EHMT1: variants seen among roughly 807,000 people sequenced by gnomAD.
EHMT1 encodes the protein euchromatic histone lysine methyltransferase 1, also known as histone-lysine N-methyltransferase EHMT1.
Under a neutral mutation model 147.2 loss-of-function variants are expected in EHMT1, and 15 were observed. That is an observed-to-expected ratio of 0.10 (90% CI 0.07 to 0.16). The LOEUF (loss-of-function observed/expected upper bound fraction) is 0.16. EHMT1 is among the 10% of genes least tolerant of loss of function. EHMT1 has a pLI of 1.00. For missense variants in EHMT1, 1,587 were observed against 1,772.4 expected, an observed-to-expected ratio of 0.90 and a Z score of 1.88; for synonymous variants, 795 against 709.6, an observed-to-expected ratio of 1.12 and a Z score of -1.91.
chr9:137,748,160 G>A (rs1334701243), intron 6 of EHMT1, among the ~76,000 whole-genome samples: 1 of 152,084 alleles, frequency 6.6e-6, no homozygotes, highest in Non-Finnish European at 1.5e-5. Flanking sequence ...CAGATGTTGG[G>A]TGCCTTTTTC....
At chr9:137,798,317 AC>A (rs1456004245) in intron 16 of EHMT1, among the ~76,000 whole-genome samples, 5 of 152,144 alleles carry the variant, frequency 3.3e-5, no homozygotes, top group African/African-American at 1.2e-4. Context: ...CAGGAGGATC[AC>A]TTGAGCATGG....
chr9:137,716,304 TG>T (rs1945252223), intron 2 of EHMT1, among the ~76,000 whole-genome samples: 1 of 2,172 alleles, frequency 4.6e-4, no homozygotes, highest in African/African-American at 9.4e-4. Flanking sequence ...GAGGAAGTTG[TG>T]GTGGTGTCAT....
chr9:137,654,708 A>C (rs1441386504), intron 1 of EHMT1, among the ~76,000 whole-genome samples: 1 of 152,222 alleles, frequency 6.6e-6, no homozygotes, highest in South Asian at 2.1e-4. Flanking sequence ...GAGGCAGTAC[A>C]TGCCTGAAGG....
rs984497183 is a variant in EHMT1, at chr9:137,787,424, T to A, written c.2383-3424T>A. On this transcript the variant is annotated intron_variant, in intron 15 of 26. Transcript: ENST00000460843. This position sits in a 1 kb window ranked among gnomAD's most constrained non-coding sequence, Gnocchi z 4.2. Reference sequence around the variant, plus strand: ...GGAAGGGCTATTCCAGGCTCAGCCCTGCCTCCCACAGCCTTGCCTCTGGGT... The same window carrying A: ...GGAAGGGCTATTCCAGGCTCAGCCCAGCCTCCCACAGCCTTGCCTCTGGGT... 3.9e-5 allele frequency among the ~76,000 whole-genome samples: 6 copies of A among 152,162 alleles called. No individual in the cohort carries two copies. Among genetic ancestry groups the A allele is most frequent in the Non-Finnish European group, 8.8e-5 (6 of 68,014 alleles).
intron 6 of EHMT1, among the ~76,000 whole-genome samples, chr9:137,749,689 T>C (rs967002799): frequency 3.3e-5 from 5 of 152,230 alleles, no homozygotes; most frequent in Non-Finnish European, 7.3e-5. Flanking sequence ...AGCTGTCTTA[T>C]GCACAGTGAT....
intron 13 of EHMT1, among the ~76,000 whole-genome samples, chr9:137,778,649 G>GAC (rs1004947283): frequency 5.9e-5 from 9 of 152,078 alleles, no homozygotes; most frequent in Non-Finnish European, 1.2e-4. Context: ...TCGCTGACCA[G>GAC]ACCCCAGACT....
chr9:137,800,070 C>T (rs1047022735), intron 17 of EHMT1, among the ~76,000 whole-genome samples: 1 of 152,130 alleles, frequency 6.6e-6, no homozygotes, highest in South Asian at 2.1e-4. Context: ...GGCTGACTGT[C>T]CACCGCAGGG....
intron 1 of EHMT1, among the ~76,000 whole-genome samples, chr9:137,636,928 C>T (rs1228141701): frequency 8.1e-5 from 10 of 123,584 alleles, no homozygotes; most frequent in East Asian, 2.4e-4. Flanking sequence ...GACAGAGTTT[C>T]GCTCTGTCGC....
At chr9:137,713,361 C>T (rs1944918307) in intron 2 of EHMT1, among the ~76,000 whole-genome samples, 2 of 150,802 alleles carry the variant, frequency 1.3e-5, no homozygotes, top group African/African-American at 2.4e-5. Flanking sequence ...GCTCCGCTTC[C>T]CGGGTTCACG....
At chr9:137,721,639 TCTCA>T (rs1336972992) in intron 3 of EHMT1, among the ~76,000 whole-genome samples, 1 of 148,638 alleles carries the variant, frequency 6.7e-6, no homozygotes, top group Non-Finnish European at 1.5e-5. Flanking sequence ...CTCCCACGCC[TCTCA>T]CTCTTGTTCC....
intron 24 of EHMT1, 162 bp downstream of exon 24, chr9:137,817,687 T>A: frequency 1.2e-6 from 1 of 867,960 alleles, no homozygotes; most frequent in Non-Finnish European, 1.8e-6. Flanking sequence ...ACCAAGCTCG[T>A]GCTGTCCTCA....
intron 1 of EHMT1, among the ~76,000 whole-genome samples, chr9:137,668,709 TTC>T (rs1344067636): frequency 6.7e-6 from 1 of 149,296 alleles, no homozygotes; most frequent in African/African-American, 2.5e-5. Flanking sequence ...CGTGCCTGAC[TTC>T]TTTCACTTAA....
intron 1 of EHMT1, among the ~76,000 whole-genome samples, chr9:137,626,827 C>T (rs1843290783): frequency 1.3e-5 from 2 of 151,168 alleles, no homozygotes; most frequent in Admixed American, 1.3e-4. Flanking sequence ...CTCTTGTTGC[C>T]CAGGCTGGAG....
intron 1 of EHMT1, among the ~76,000 whole-genome samples, chr9:137,692,694 C>T (rs1245304330): frequency 3.3e-5 from 5 of 152,132 alleles, no homozygotes; most frequent in South Asian, 4.1e-4. Flanking sequence ...ATGATCTGCG[C>T]GCTGGTCAGA....
chr9:137,635,412 T>G (rs562625748), intron 1 of EHMT1, among the ~76,000 whole-genome samples: 1 of 151,608 alleles, frequency 6.6e-6, no homozygotes, highest in South Asian at 2.1e-4. Flanking sequence ...AGACGGAGTT[T>G]CACCATGTTG....
At position 137,787,963 on chromosome 9, in the gene EHMT1, TG is replaced by T; in HGVS notation, c.2383-2883del. ...CAGAGGGAGGCCCTGTGTCCCCCAC[TG>T]GACAGCCCCCCAGGAACTGAGGTGC... is the stretch of plus-strand genomic sequence containing the variant. On this transcript the variant is annotated intron_variant, in intron 15 of 26. Transcript: ENST00000460843. This position sits in a 1 kb window ranked among gnomAD's most constrained non-coding sequence, Gnocchi z 4.2. 6.7e-7 allele frequency: 1 copy of T among 1,493,540 alleles called. No individual in the cohort carries two copies. Among genetic ancestry groups the T allele is most frequent in the Non-Finnish European group, 9.3e-7 (1 of 1,077,216 alleles). The allele number at this position is 1,493,540 out of a possible 1,614,324, so 92.5% of individuals were successfully genotyped here. A position where few individuals can be genotyped will look rare whatever the true frequency, so the allele number is the denominator to read the frequency against.
At chr9:137,719,615 C>CA (rs938124855) in intron 3 of EHMT1, among the ~76,000 whole-genome samples, 12 of 152,090 alleles carry the variant, frequency 7.9e-5, no homozygotes, top group African/African-American at 2.7e-4. Flanking sequence ...CAGGAAACTG[C>CA]AAAAAAACCT....
intron 1 of EHMT1, chr9:137,641,054 T>A (rs1197601594): frequency 8.3e-6 from 2 of 241,036 alleles, no homozygotes; most frequent in African/African-American, 4.6e-5. Context: ...TTCCTCCTCC[T>A]CATCATCTTC....
Position 137,678,755 on chromosome 9 carries a change from C to T in EHMT1, c.22-32212C>T, listed in dbSNP as rs550594490. ...AAAAACGTATTGCACTCTACTCAGT[C>T]GGCGTCTTGTGATCTGTCTATCTGA... On this transcript the variant is annotated intron_variant, in intron 1 of 26. Coordinates refer to ENST00000460843, the MANE Select transcript of EHMT1 (RefSeq NM_024757.5). 1.7e-4 allele frequency among the ~76,000 whole-genome samples: 22 copies of T among 133,000 alleles called. No homozygotes were observed. The South Asian group carries it at 2.0e-3, about 12-fold the overall frequency. 87.3% of individuals were successfully genotyped at this position (133,000 alleles called of 152,430 possible).
Sources: allele counts gnomAD v4.1 joint callset (sites outside exome capture counted in the v4.1 genomes callset), GRCh38; gene constraint gnomAD v4.1.1; non-coding constraint Gnocchi (gnomAD v3.1); transcripts MANE v1.5; gene names NCBI Gene and HGNC (gene_info 2026-07-23, HGNC 2026-07-21).